MGAM: variants seen among roughly 807,000 people sequenced by gnomAD.
MGAM encodes the protein maltase-glucoamylase.
In MGAM, 253 loss-of-function variants were observed where a neutral mutation model predicts 358.8. The ratio of observed to expected loss-of-function variants is 0.71; its 90% confidence interval spans 0.64 to 0.78. MGAM has a LOEUF of 0.78. MGAM is among the 30% of genes least tolerant of loss of function. The pLI is 0.00. For synonymous variants in MGAM, 1,105 were observed against 1,227.1 expected, an observed-to-expected ratio of 0.90 and a Z score of 2.08; for missense variants, 3,080 against 3,432.6, an observed-to-expected ratio of 0.90 and a Z score of 2.57.
chr7:142,021,538 C>G (rs1554458800), intron 5 of MGAM, 48 bp from the exon 6 acceptor site: 1 of 1,583,542 alleles, frequency 6.3e-7, no homozygotes, highest in East Asian at 2.3e-5. Context: ...TTGGGAAGCT[C>G]TGACAAGTTT....
chr7:141,991,544 C>G (rs1340667662), upstream of MGAM, among the ~76,000 whole-genome samples: 1 of 151,766 alleles, frequency 6.6e-6, no homozygotes, highest in African/African-American at 2.4e-5. Flanking sequence ...TCAAGCAATT[C>G]TCCTGCCTCA....
Position 142,027,215 on chromosome 7 carries a change from A to G in MGAM, c.1083A>G (p.Gln361=). ...GAAACACTCCAGAGCAAGTTGTTCAAGAATATCTAGAGGTAAACTTAGGAT... is the reference window on the plus strand; with the variant it reads ...GAAACACTCCAGAGCAAGTTGTTCAGGAATATCTAGAGGTAAACTTAGGAT... ...FLGNTPEQVV[Q]EYLELIGRPA... The change falls in exon 9 of 71, where the codon CAA becomes CAG. Residue 361 remains glutamine (Q), a synonymous_variant. Coordinates refer to ENST00000475668, the MANE Select transcript of MGAM (RefSeq NM_001365693.1). 1.2e-6 allele frequency: 2 copies of G among 1,609,546 alleles called. No individual in the cohort carries two copies. Among genetic ancestry groups the G allele is most frequent in the South Asian group, 2.2e-5 (2 of 90,962 alleles).
chr7:141,991,993 AT>A (rs1803968329), upstream of MGAM, among the ~76,000 whole-genome samples: 2 of 151,958 alleles, frequency 1.3e-5, no homozygotes. Flanking sequence ...GTGTTCAATA[AT>A]TTTTCCTTTG....
chr7:142,104,203 A>G (rs1016180298), intron 70 of MGAM, among the ~76,000 whole-genome samples: 7 of 152,144 alleles, frequency 4.6e-5, no homozygotes, highest in African/African-American at 1.2e-4. Flanking sequence ...CTTTAGCCAT[A>G]AAGTTTTACC....
Position 142,005,639 on chromosome 7 carries a change from G to C in MGAM, c.109G>C (p.Glu37Gln). ...TGTTCTAATTGTGCTTTTAGCCAAA[G>C]AGTCACTGAAATCAACAGGTAAGAA... ...SIVLIVLLAK[E>Q]SLKSTAPDPG... Residue 37 changes from glutamate to glutamine, a missense_variant, in exon 2 of 71, where the codon GAG becomes CAG. Around this residue, in one of 5 missense-constraint regions of MGAM, gnomAD observed 1,816 missense variants for 1,840.5 expected, o/e 0.99. Transcript: ENST00000475668. 6.2e-7 allele frequency: 1 copy of C among 1,600,498 alleles called. No homozygotes were observed. The highest frequency in any genetic ancestry group is 8.5e-7 in the Non-Finnish European group (1 of 1,173,150).
At chr7:142,029,727 T>C (rs1165221907) in intron 10 of MGAM, among the ~76,000 whole-genome samples, 2 of 152,202 alleles carry the variant, frequency 1.3e-5, no homozygotes, top group African/African-American at 4.8e-5. Context: ...ACCTATGATA[T>C]TGGATACTAT....
At chr7:142,089,736 A>G (rs1815188344) in intron 57 of MGAM, among the ~76,000 whole-genome samples, 1 of 145,846 alleles carries the variant, frequency 6.9e-6, no homozygotes, top group Non-Finnish European at 1.6e-5. Context: ...GCAGTGAGCC[A>G]GGATTGAGCC....
intron 37 of MGAM, among the ~76,000 whole-genome samples, chr7:142,064,737 C>G (rs1173603576): frequency 6.6e-6 from 1 of 152,134 alleles, no homozygotes; most frequent in African/African-American, 2.4e-5. Flanking sequence ...GGCATGGTCC[C>G]ACCAGTGAAA....
chr7:142,078,740 C>T (rs1813962501), intron 48 of MGAM, 68 bp from the exon 49 acceptor site: 1 of 1,414,890 alleles, frequency 7.1e-7, no homozygotes. Context: ...CTTTTCTAAC[C>T]CTGTTTAGGT....
rs1362824696 is a variant in MGAM at position 142,082,546 on chromosome 7, G to T, written c.6243G>T (p.Val2081=). Residue 2081 remains valine (V), a synonymous_variant, in exon 52 of 71, where the codon GTG becomes GTT. Transcript: ENST00000475668. The part of the protein sequence containing the change: ...GLEEDGSAHG[V]LLLNSNAMDV... ...AGGAGGATGGCAGTGCCCATGGAGT[G>T]CTCCTGCTGAACAGCAATGCCATGG... The T allele has an allele frequency of 5.2e-6, 8 of 1,526,856 alleles. 1 individual carries two copies. In the East Asian group the frequency reaches 1.9e-4, roughly 36 times the overall value. 94.6% of individuals were successfully genotyped at this position (1,526,856 alleles called of 1,614,324 possible).
chr7:142,041,981 T>TA (rs1282491659), intron 21 of MGAM, among the ~76,000 whole-genome samples: 1 of 13,258 alleles, frequency 7.5e-5, no homozygotes, highest in African/African-American at 2.3e-4. Context: ...TATATATATA[T>TA]AATATAATAT....
rs544659148 is a variant in MGAM at position 142,051,354 on chromosome 7, G to A, written c.2805+490G>A. Among the ~76,000 whole-genome samples, 7 of 152,204 alleles carry A rather than the reference G, an allele frequency of 4.6e-5. No homozygotes were observed. The South Asian group carries it at 1.5e-3, about 32-fold the overall frequency. On this transcript the variant is annotated intron_variant, in intron 24 of 70. Transcript: ENST00000475668. ...GGCTGTGCTACTGTGTGTGAGCATT[G>A]TTGGGAGTGGGAGTGGGGGCTGGGG...
Position 142,072,314 on chromosome 7 carries a change from T to C in MGAM, c.5186+1196T>C, listed in dbSNP as rs1169388664. On this transcript the variant is annotated intron_variant, in intron 44 of 70. Transcript: ENST00000475668. The stretch of plus-strand genomic sequence containing the variant: ...AAACATACCCATGTATTTTACTGCA[T>C]GTGGGCTTTTGAATTTATCCTTTCC... 2.7e-5 allele frequency among the ~76,000 whole-genome samples: 4 copies of C among 146,116 alleles called. 1 individual carries two copies. The highest frequency in any genetic ancestry group is 1.4e-4 in the Admixed American group (2 of 14,516).
In MGAM at chr7:142,055,581, T is replaced by C. The variant is rs746521064; in HGVS notation, c.3338T>C (p.Phe1113Ser). Residue 1113 changes from phenylalanine to serine, a missense_variant, in exon 28 of 71, where the codon TTT becomes TCT. Phe to Ser is a radical substitution (Grantham distance 155). Around this residue, in one of 5 missense-constraint regions of MGAM, gnomAD observed 1,816 missense variants for 1,840.5 expected, o/e 0.99. Transcript: ENST00000475668. Reference sequence around the variant, plus strand: ...AGTTGGGACTCTCAGCTCCTTGGCTTTACCTTCAGTGACATGTTTATCCGC... The same window carrying C: ...AGTTGGGACTCTCAGCTCCTTGGCTCTACCTTCAGTGACATGTTTATCCGC... ...TIIWDSQLLG[F>S]TFSDMFIRIS... The C allele has an allele frequency of 6.2e-7, 1 of 1,613,930 alleles. No individual in the cohort carries two copies. Among genetic ancestry groups the C allele is most frequent in the South Asian group, 1.1e-5 (1 of 91,066 alleles).
chr7:142,099,470 C>A, intron 66 of MGAM, 143 bp from the exon 67 acceptor site: 2 of 1,314,478 alleles, frequency 1.5e-6, no homozygotes, highest in Non-Finnish European at 2.1e-6. Context: ...TGGGTGAATG[C>A]AGAATGGGTA....
chr7:142,030,820 G>C (rs4725566), intron 12 of MGAM, 63 bp downstream of exon 12: 14 of 128,826 alleles, frequency 1.1e-4, no homozygotes, highest in African/African-American at 3.4e-4. Context: ...GAATGTGTCT[G>C]TGTGTGTGTG....
At chr7:142,033,800 T>C (rs562062016) in intron 14 of MGAM, among the ~76,000 whole-genome samples, 30 of 152,200 alleles carry the variant, frequency 2.0e-4, no homozygotes, top group African/African-American at 6.7e-4. Flanking sequence ...CCACAGATAA[T>C]GTGGATCTCA....
At chr7:142,026,404 G>A (rs926768536) in intron 8 of MGAM, among the ~76,000 whole-genome samples, 1 of 152,100 alleles carries the variant, frequency 6.6e-6, no homozygotes, top group Non-Finnish European at 1.5e-5. Flanking sequence ...TGGCAAAAAG[G>A]TAGATTAGCA....
Position 142,040,715 on chromosome 7 carries a change from G to C in MGAM, c.2374-7G>C. 1 of 1,612,676 alleles carries C rather than the reference G, an allele frequency of 6.2e-7. No individual in the cohort carries two copies. Reference sequence around the variant, plus strand: ...GCCAATGTGTTTGATTTATCTGCATGCATCAGGGGAGCCAAGTGAGATGGA... The same window carrying C: ...GCCAATGTGTTTGATTTATCTGCATCCATCAGGGGAGCCAAGTGAGATGGA... On this transcript the variant is annotated splice_region_variant and splice_polypyrimidine_tract_variant and intron_variant, in intron 20 of 70. Transcript: ENST00000475668.
Sources: allele counts gnomAD v4.1 joint callset (sites outside exome capture counted in the v4.1 genomes callset), GRCh38; gene constraint gnomAD v4.1.1; regional missense constraint gnomAD v4.1.1; transcripts MANE v1.5; gene names NCBI Gene and HGNC (gene_info 2026-07-23, HGNC 2026-07-21).